DNAI4: variants seen among roughly 807,000 people sequenced by gnomAD.
DNAI4 encodes the protein WD repeat domain 78.
A neutral mutation model predicts 105.8 loss-of-function variants in DNAI4; 85 were observed. That is an observed-to-expected ratio of 0.80 (90% CI 0.67 to 0.96). The LOEUF is 0.96. Ranked by LOEUF, DNAI4 falls within the 40% of genes least tolerant of loss-of-function variation. The pLI is 0.00. For missense variants in DNAI4, 1,014 were observed against 1,005.6 expected (o/e 1.01, Z -0.11); for synonymous variants, 352 against 331.5 (o/e 1.06, Z -0.67).
chr1:66,833,847 A>G, intron 12 of DNAI4, 141 bp from the exon 13 acceptor site: 2 of 1,383,234 alleles, frequency 1.4e-6, no homozygotes. Flanking sequence ...AGCACACACC[A>G]GAACTAGCTG....
intron 1 of DNAI4, among the ~76,000 whole-genome samples, chr1:66,915,425 T>C (rs1467088089): frequency 6.6e-6 from 1 of 152,218 alleles, no homozygotes; most frequent in African/African-American, 2.4e-5. Flanking sequence ...TCAGTTATAA[T>C]TTTGCAATGG....
chr1:66,873,421 G>GA (rs376018974), intron 5 of DNAI4, among the ~76,000 whole-genome samples: 176 of 148,358 alleles, frequency 1.2e-3, no homozygotes, highest in African/African-American at 2.2e-3. Context: ...AATCAAAAAA[G>GA]AAAAAAAAAA....
intron 1 of DNAI4, 25 bp from the exon 2 acceptor site, chr1:66,905,400 T>C (rs765084102): frequency 1.4e-6 from 2 of 1,379,904 alleles, no homozygotes; most frequent in East Asian, 2.5e-5. Context: ...TAAAATATAA[T>C]GCAAAGGATT....
intron 2 of DNAI4, among the ~76,000 whole-genome samples, chr1:66,903,404 TA>T (rs1648987689): frequency 6.6e-6 from 1 of 152,218 alleles, no homozygotes; most frequent in Admixed American, 6.5e-5. Flanking sequence ...CAGAATTTTT[TA>T]GTTGTGTGTG....
At chr1:66,880,277 C>T (rs755621301) in intron 4 of DNAI4, among the ~76,000 whole-genome samples, 5 of 152,196 alleles carry the variant, frequency 3.3e-5, no homozygotes, top group South Asian at 4.1e-4. Flanking sequence ...TGTAGACACC[C>T]GAAAATGTGG....
At chr1:66,827,472 C>T (rs935030751) in intron 14 of DNAI4, among the ~76,000 whole-genome samples, 2 of 151,774 alleles carry the variant, frequency 1.3e-5, no homozygotes, top group Non-Finnish European at 2.9e-5. Flanking sequence ...GCCTGGGTAA[C>T]AGTGAGACCC....
intron 16 of DNAI4, among the ~76,000 whole-genome samples, chr1:66,818,018 A>G (rs1645553286): frequency 1.3e-5 from 2 of 152,220 alleles, no homozygotes; most frequent in Non-Finnish European, 2.9e-5. Flanking sequence ...CCCTGAGAAG[A>G]ATAAACACTG....
At chr1:66,837,114 C>A (rs1335274854) in intron 10 of DNAI4, among the ~76,000 whole-genome samples, 1 of 151,804 alleles carries the variant, frequency 6.6e-6, no homozygotes, top group African/African-American at 2.4e-5. Context: ...GCCCGTAATC[C>A]CAGCACTTTG....
At chr1:66,873,092 A>G (rs866484397) in intron 5 of DNAI4, among the ~76,000 whole-genome samples, 7 of 152,226 alleles carry the variant, frequency 4.6e-5, no homozygotes, top group Non-Finnish European at 7.4e-5. Flanking sequence ...TATATTCTAT[A>G]TCTGATAATA....
intron 3 of DNAI4, among the ~76,000 whole-genome samples, 166 bp downstream of exon 3, chr1:66,893,063 G>A (rs4655654): frequency 0.051 from 4,564 of 89,432 alleles, 320 homozygotes; most frequent in African/African-American, 0.11. Flanking sequence ...AAGAGAGAGA[G>A]AGAAAGAAAG....
intron 8 of DNAI4, among the ~76,000 whole-genome samples, chr1:66,845,961 T>C (rs1646266801): frequency 6.6e-6 from 1 of 152,114 alleles, no homozygotes; most frequent in Non-Finnish European, 1.5e-5. Flanking sequence ...TTGGTAACTC[T>C]GGTTTATACA....
intron 6 of DNAI4, among the ~76,000 whole-genome samples, chr1:66,865,683 C>T (rs920775122): frequency 3.3e-5 from 5 of 152,150 alleles, no homozygotes; most frequent in African/African-American, 1.2e-4. Context: ...ACTTCCTCCA[C>T]AGGGGTAAGA....
intron 2 of DNAI4, among the ~76,000 whole-genome samples, chr1:66,897,192 A>G (rs1453630407): frequency 6.6e-6 from 1 of 152,222 alleles, no homozygotes; most frequent in Non-Finnish European, 1.5e-5. Flanking sequence ...ATAAAGTAGT[A>G]AACAACTTGG....
intron 5 of DNAI4, among the ~76,000 whole-genome samples, chr1:66,872,436 C>T (rs1321379535): frequency 6.6e-6 from 1 of 151,908 alleles, no homozygotes. Context: ...ACCATGTTGA[C>T]CAGGCTGCTC....
chr1:66,857,007 C>T (rs1359509509), intron 7 of DNAI4, among the ~76,000 whole-genome samples: 1 of 151,658 alleles, frequency 6.6e-6, no homozygotes, highest in Admixed American at 6.6e-5. Context: ...AACAAAACAT[C>T]ATTAGAGAAA....
chr1:66,847,398 A>C, intron 8 of DNAI4, 86 bp downstream of exon 8: 1 of 1,330,688 alleles, frequency 7.5e-7, no homozygotes, highest in Non-Finnish European at 1.0e-6. Context: ...GGCCCAAGCA[A>C]TCCTCTTCCT....
At chr1:66,847,251 C>T (rs949550156) in intron 8 of DNAI4, among the ~76,000 whole-genome samples, 7 of 152,118 alleles carry the variant, frequency 4.6e-5, no homozygotes, top group Admixed American at 4.6e-4. Flanking sequence ...TACTAAAACC[C>T]TTACATTTTA....
intron 7 of DNAI4, among the ~76,000 whole-genome samples, chr1:66,860,100 T>G (rs1646593321): frequency 6.6e-6 from 1 of 152,126 alleles, no homozygotes; most frequent in Admixed American, 6.5e-5. Flanking sequence ...ATGGAGCTCT[T>G]GGTACTATAT....
At chr1:66,823,310 G>A (rs369934581) in intron 15 of DNAI4, among the ~76,000 whole-genome samples, 19,269 of 150,810 alleles carry the variant, frequency 0.13, 1,473 homozygotes, top group East Asian at 0.21. Flanking sequence ...GTCTATCGTC[G>A]TTGGACATTT....
Sources: allele counts gnomAD v4.1 joint callset (sites outside exome capture counted in the v4.1 genomes callset), GRCh38; gene constraint gnomAD v4.1.1; transcripts MANE v1.5; gene names NCBI Gene and HGNC (gene_info 2026-07-23, HGNC 2026-07-21).